GOLGB1: variants seen among roughly 807,000 people sequenced by gnomAD.
The protein encoded by GOLGB1 is golgin subfamily B member 1.
In GOLGB1, 174 loss-of-function variants were observed where a neutral mutation model predicts 336.9. That is an observed-to-expected ratio of 0.52 (90% CI 0.46 to 0.59). The LOEUF is 0.59. GOLGB1 is among the 20% of genes least tolerant of loss of function. The pLI is 0.00. For missense variants in GOLGB1, 3,331 were observed against 3,645.3 expected (o/e 0.91, Z 2.22); for synonymous variants, 1,208 against 1,289.2 (o/e 0.94, Z 1.35).
At chr3:121,692,627 C>G in intron 13 of GOLGB1, 46 bp from the exon 14 acceptor site, 1 of 1,137,940 alleles carries the variant, frequency 8.8e-7, no homozygotes. Flanking sequence ...AAGAAAAAAA[C>G]TGTGTTTCCC....
chr3:121,731,720 T>C (rs1303787583), intron 1 of GOLGB1, among the ~76,000 whole-genome samples: 1 of 152,122 alleles, frequency 6.6e-6, no homozygotes, highest in Non-Finnish European at 1.5e-5. Context: ...TAAATGCATA[T>C]ATTAGAAAAG....
chr3:121,703,756 A>T (rs1221228012), intron 10 of GOLGB1, among the ~76,000 whole-genome samples: 1 of 152,224 alleles, frequency 6.6e-6, no homozygotes, highest in Non-Finnish European at 1.5e-5. Flanking sequence ...CCATTCACAC[A>T]TAAAGAAATA....
chr3:121,727,318 ATATTTTTTTT>A (rs1309864016), intron 4 of GOLGB1, among the ~76,000 whole-genome samples: 157 of 33,410 alleles, frequency 4.7e-3, no homozygotes, highest in African/African-American at 0.014. Flanking sequence ...ATATATATAT[ATATTTTTTTT>A]TTTTTTTTTT....
chr3:121,729,226 G>A lies in GOLGB1; in HGVS notation c.364C>T (p.Leu122=). Residue 122 remains leucine (L), a synonymous_variant, in exon 4 of 22, where the codon CTG becomes TTG. Transcript: ENST00000614479. The stretch of plus-strand genomic sequence containing the variant: ...TCCTCTGACTGAGGTTCTGTAGGCA[G>A]AACAGTCCCTCCTTGTGCTTTCATT... ...EEMKAQGGTV[L]PTEPQSEEQL... 1 of 1,612,852 alleles carries A rather than the reference G, an allele frequency of 6.2e-7. No individual in the cohort carries two copies. The highest frequency in any genetic ancestry group is 8.5e-7 in the Non-Finnish European group (1 of 1,179,136).
chr3:121,684,175 A>G (rs1195095209), intron 14 of GOLGB1, among the ~76,000 whole-genome samples: 1 of 144,772 alleles, frequency 6.9e-6, no homozygotes, highest in Non-Finnish European at 1.5e-5. Context: ...TCTATGAGAC[A>G]CAGAAAAAAA....
In GOLGB1 at chr3:121,722,298, G is replaced by C; in HGVS notation, c.612C>G (p.Ala204=). ...GCTCTGCCTGTGTCTGGCTGAGCTG[G>C]GCTTGTAAAGTGCTAATGAATTCTT... ...EKEEFISTLQ[A]QLSQTQAEQA... Residue 204 remains alanine, a synonymous_variant, in exon 6 of 22, where the codon GCC becomes GCG. Coordinates refer to ENST00000614479, the MANE Select transcript of GOLGB1 (RefSeq NM_001366282.2). 1 of 1,612,062 alleles carries C rather than the reference G, an allele frequency of 6.2e-7. No individual in the cohort carries two copies.
At chr3:121,708,788 A>G (rs1171562923) in intron 10 of GOLGB1, among the ~76,000 whole-genome samples, 1 of 152,202 alleles carries the variant, frequency 6.6e-6, no homozygotes, top group African/African-American at 2.4e-5. Flanking sequence ...GAAACTTCTA[A>G]TTATCGAATA....
chr3:121,734,896 T>G (rs1047913990), intron 1 of GOLGB1, among the ~76,000 whole-genome samples: 1 of 152,200 alleles, frequency 6.6e-6, no homozygotes, highest in Non-Finnish European at 1.5e-5. Flanking sequence ...ATAGCCAAGA[T>G]ATCCCTCAAC....
chr3:121,688,802 C>T (rs891438904), intron 14 of GOLGB1, among the ~76,000 whole-genome samples: 5 of 151,982 alleles, frequency 3.3e-5, no homozygotes, highest in African/African-American at 7.3e-5. Context: ...TCCGCCGCCC[C>T]GTCTGGGATG....
At chr3:121,700,134 G>C (rs1943275098) in intron 11 of GOLGB1, among the ~76,000 whole-genome samples, 1 of 152,074 alleles carries the variant, frequency 6.6e-6, no homozygotes, top group African/African-American at 2.4e-5. Context: ...GGTTTGAAAG[G>C]AGAAGGATGC....
At chr3:121,720,839 A>G (rs1945141282) in intron 6 of GOLGB1, among the ~76,000 whole-genome samples, 2 of 152,188 alleles carry the variant, frequency 1.3e-5, no homozygotes, top group South Asian at 2.1e-4. Flanking sequence ...TTATCTATAT[A>G]TCATGGTTTT....
At chr3:121,677,968 TG>T (rs1284631770) in intron 15 of GOLGB1, among the ~76,000 whole-genome samples, 7 of 152,238 alleles carry the variant, frequency 4.6e-5, no homozygotes, top group Non-Finnish European at 1.5e-5. Context: ...AGAATAAAGC[TG>T]GGGTGCTATT....
At chr3:121,688,666 G>T (rs1560204032) in intron 14 of GOLGB1, among the ~76,000 whole-genome samples, 1 of 151,448 alleles carries the variant, frequency 6.6e-6, no homozygotes, top group Non-Finnish European at 1.5e-5. Context: ...GACGTGAGGA[G>T]CCCCTCTGCC....
In GOLGB1 at chr3:121,695,529, GT is replaced by G. The variant is rs777101480; in HGVS notation, c.4993del (p.Thr1665GlnfsTer15). ...CTCAGCTTCCTGCAACTGCTTTTCT[GT>G]CTCCTTCTTGTTTGCCTCTGTGCTT... ...LRSTEANKKE[T>X]EKQLQEAEQE... On this transcript the variant is annotated frameshift_variant, in exon 13 of 22. Transcript: ENST00000614479. LOFTEE classifies it high-confidence loss of function. 6.2e-7 allele frequency: 1 copy of G among 1,613,758 alleles called. No individual in the cohort carries two copies.
At chr3:121,710,337 G>T (rs1317911231) in intron 10 of GOLGB1, among the ~76,000 whole-genome samples, 1 of 152,008 alleles carries the variant, frequency 6.6e-6, no homozygotes, top group Non-Finnish European at 1.5e-5. Flanking sequence ...ATATTATGAG[G>T]CTGCCATACC....
Position 121,727,030 on chromosome 3 carries a change from A to G in GOLGB1, c.414T>C (p.Ser138=). Residue 138 remains serine, a synonymous_variant, in exon 5 of 22, where the codon AGT becomes AGC. Transcript: ENST00000614479. ...CTATTTCCATCTCTTCCTCTGTAGA[A>G]CTCTTGTCATGCTGAAAATGCAGGA... ...SEEQLSKHDK[S]STEEEMEIEK... is the part of the protein sequence containing the mutation. The G allele has an allele frequency of 6.4e-7, 1 of 1,566,476 alleles. No homozygotes were observed. The highest frequency in any genetic ancestry group is 2.3e-5 in the East Asian group (1 of 43,310).
chr3:121,708,775 C>T (rs1944097059), intron 10 of GOLGB1, among the ~76,000 whole-genome samples: 1 of 151,880 alleles, frequency 6.6e-6, no homozygotes, highest in Admixed American at 6.6e-5. Context: ...AAATTAAATT[C>T]AAGAAACTTC....
chr3:121,718,067 C>T (rs1233858367), intron 8 of GOLGB1, among the ~76,000 whole-genome samples: 2 of 151,984 alleles, frequency 1.3e-5, no homozygotes, highest in Non-Finnish European at 2.9e-5. Flanking sequence ...TCAGATTTTG[C>T]AGCATTTTGG....
chr3:121,689,884 C>T (rs1019705646), intron 14 of GOLGB1, among the ~76,000 whole-genome samples: 15 of 152,124 alleles, frequency 9.9e-5, no homozygotes, highest in African/African-American at 2.7e-4. Context: ...GCTACTTGGG[C>T]GGCTGAGGCA....
Sources: allele counts gnomAD v4.1 joint callset (sites outside exome capture counted in the v4.1 genomes callset), GRCh38; gene constraint gnomAD v4.1.1; transcripts MANE v1.5; gene names NCBI Gene and HGNC (gene_info 2026-07-23, HGNC 2026-07-21).